DNAH8: variants seen among roughly 807,000 people sequenced by gnomAD.
The protein encoded by DNAH8 is dynein axonemal heavy chain 8, also known as axonemal beta dynein heavy chain 8.
Under a neutral mutation model 562.1 loss-of-function variants are expected in DNAH8, and 382 were observed. That is an observed-to-expected ratio of 0.68 (90% CI 0.63 to 0.74). The LOEUF is 0.74. DNAH8 is among the 30% of genes least tolerant of loss of function. The pLI, the probability that DNAH8 is intolerant of heterozygous loss-of-function variation, is 0.00. For synonymous variants in DNAH8, 1,881 were observed against 1,919.4 expected, an observed-to-expected ratio of 0.98 and a Z score of 0.52; for missense variants, 5,203 against 5,620.4, an observed-to-expected ratio of 0.93 and a Z score of 2.37.
intron 21 of DNAH8, among the ~76,000 whole-genome samples, chr6:38,795,168 G>A (rs1770109963): frequency 6.6e-6 from 1 of 152,084 alleles, no homozygotes; most frequent in Non-Finnish European, 1.5e-5. Flanking sequence ...GTGGCATTAG[G>A]TACATTCCCA....
At chr6:38,913,175 A>G (rs752049371) in intron 66 of DNAH8, among the ~76,000 whole-genome samples, 1 of 152,204 alleles carries the variant, frequency 6.6e-6, no homozygotes, top group Non-Finnish European at 1.5e-5. Flanking sequence ...ATATTACATA[A>G]CAGTGTGGTA....
In DNAH8 at chr6:38,807,673, C is replaced by T. The variant is rs755566659; in HGVS notation, c.3214C>T (p.Arg1072Trp). The T allele has an allele frequency of 2.8e-5, 44 of 1,563,904 alleles. No homozygotes were observed. The highest frequency in any genetic ancestry group is 1.7e-4 in the Middle Eastern group (1 of 5,950). ...QLLDSLQKATRLSLDTMKRRI... is the reference protein window; with the variant it reads ...QLLDSLQKATWLSLDTMKRRI... The stretch of plus-strand genomic sequence containing the variant: ...ACTAGACAGTCTTCAAAAAGCTACA[C>T]GGTTATCTCTGGACACAATGAAAAG... Residue 1072 changes from arginine to tryptophan, a missense_variant, in exon 24 of 93, where the codon CGG becomes TGG. Around this residue, in one of 6 missense-constraint regions of DNAH8, gnomAD observed 2,176 missense variants for 2,365.1 expected, o/e 0.92. Coordinates refer to ENST00000327475, the MANE Select transcript of DNAH8 (RefSeq NM_001206927.2).
intron 89 of DNAH8, among the ~76,000 whole-genome samples, chr6:39,009,342 A>G (rs1048993083): frequency 1.3e-5 from 2 of 152,034 alleles, no homozygotes; most frequent in African/African-American, 4.8e-5. Flanking sequence ...GCCAAAAAGC[A>G]ATGGTGTTGG....
rs1302523856 is a variant in DNAH8, at chr6:39,026,658, A to T, written c.13827A>T (p.Ser4609=). The change falls in exon 92 of 93, where the codon TCA becomes TCT. Residue 4609 remains serine (S), a synonymous_variant. Coordinates refer to ENST00000327475, the MANE Select transcript of DNAH8 (RefSeq NM_001206927.2). ...GACAGACCAAGGAGGAGATCACGTC[A>T]CCCCCTGGGGTAGGCGTTGCTGGGC... ...VLRQTKEEIT[S]PPGEGVYIYG... is the part of the protein sequence containing the mutation. The T allele has an allele frequency of 1.2e-6, 2 of 1,613,262 alleles. No homozygotes were observed. The highest frequency in any genetic ancestry group is 1.7e-6 in the Non-Finnish European group (2 of 1,179,874).
Position 38,862,447 on chromosome 6 carries a change from G to T in DNAH8, c.6299G>T (p.Arg2100Met). The change falls in exon 44 of 93, where the codon AGG becomes ATG. Residue 2100 changes from arginine to methionine, a missense_variant. Transcript: ENST00000327475. Reference protein sequence around the residue: ...SDQMDFRGLGRIFKGLAQSGS... With the variant: ...SDQMDFRGLGMIFKGLAQSGS... Reference sequence around the variant, plus strand: ...CAAATGGATTTCAGAGGCCTAGGAAGGATTTTCAAAGGCAAGTGTCAAATA... The same window carrying T: ...CAAATGGATTTCAGAGGCCTAGGAATGATTTTCAAAGGCAAGTGTCAAATA... 1.2e-6 allele frequency: 2 copies of T among 1,604,630 alleles called. No homozygotes were observed. The highest frequency in any genetic ancestry group is 1.7e-6 in the Non-Finnish European group (2 of 1,176,074).
rs528444761 is a variant in DNAH8, at chr6:38,734,466, G to T, written c.611-8G>T. ...ATTATACGCTAAGTTCTTGACTTTT[G>T]TTTTCAGAATGTGGTCGAACTATTG... On this transcript the variant is annotated splice_polypyrimidine_tract_variant and splice_region_variant and intron_variant, in intron 4 of 92. Coordinates refer to ENST00000327475, the MANE Select transcript of DNAH8 (RefSeq NM_001206927.2). The T allele has an allele frequency of 6.2e-7, 1 of 1,612,830 alleles. No homozygotes were observed. Among genetic ancestry groups the T allele is most frequent in the Non-Finnish European group, 8.5e-7 (1 of 1,179,564 alleles).
chr6:38,833,969 T>A (rs1248674039), intron 31 of DNAH8, among the ~76,000 whole-genome samples: 1 of 152,226 alleles, frequency 6.6e-6, no homozygotes, highest in Non-Finnish European at 1.5e-5. Context: ...TATAAATTCA[T>A]TTATTCCTTT....
chr6:38,876,141 CAG>C (rs1777976465), intron 53 of DNAH8, among the ~76,000 whole-genome samples: 1 of 152,234 alleles, frequency 6.6e-6, no homozygotes, highest in Non-Finnish European at 1.5e-5. Flanking sequence ...GTGGAGAACA[CAG>C]ATTCTTCATG....
chr6:38,752,432 G>A (rs955260547), intron 9 of DNAH8, among the ~76,000 whole-genome samples: 1 of 152,232 alleles, frequency 6.6e-6, no homozygotes. Flanking sequence ...CCAAAGTGCT[G>A]GGATTACAGG....
chr6:38,772,705 T>C (rs1767687861), intron 12 of DNAH8, among the ~76,000 whole-genome samples: 1 of 152,162 alleles, frequency 6.6e-6, no homozygotes, highest in Non-Finnish European at 1.5e-5. Context: ...TTAATTTTAA[T>C]GAAGTTCAAT....
rs534810180 is a variant in DNAH8, at chr6:39,008,424, G to A, written c.13215-390G>A. Among the ~76,000 whole-genome samples, 32 of 152,242 alleles carry A rather than the reference G, an allele frequency of 2.1e-4. No homozygotes were observed. In the South Asian group the frequency reaches 6.6e-3, roughly 32 times the overall value. On this transcript the variant is annotated intron_variant, in intron 88 of 92. Coordinates refer to ENST00000327475, the MANE Select transcript of DNAH8 (RefSeq NM_001206927.2). ...TGAATGTTCCTCTTTGAGCCAACAA[G>A]CTGTCCTATAATGATAGACTCTTAT...
chr6:39,005,738 T>C (rs2150759455), intron 88 of DNAH8, among the ~76,000 whole-genome samples: 1 of 152,374 alleles, frequency 6.6e-6, no homozygotes, highest in Non-Finnish European at 1.5e-5. Context: ...TATTTTATCC[T>C]AGCAATTAGA....
intron 62 of DNAH8, among the ~76,000 whole-genome samples, chr6:38,903,436 C>A (rs1037343074): frequency 6.6e-6 from 1 of 151,914 alleles, no homozygotes. Flanking sequence ...CACTCATTAC[C>A]AAGGGGATAG....
In DNAH8 at chr6:38,929,586, G is replaced by A; in HGVS notation, c.11194G>A (p.Glu3732Lys). ...SLSLGRPLLI[E>K]DIHEELDPAL... ...TTCCTTGGGCCGACCCCTTCTCATT[G>A]AGGACATTCATGAAGAGCTGGATCC... Residue 3732 changes from glutamate to lysine, a missense_variant, in exon 75 of 93, where the codon GAG (glutamate) becomes AAG (lysine). Glu to Lys is a moderately conservative substitution (Grantham distance 56). Coordinates refer to ENST00000327475, the MANE Select transcript of DNAH8 (RefSeq NM_001206927.2). The A allele has an allele frequency of 6.2e-7, 1 of 1,611,456 alleles. No homozygotes were observed. Among genetic ancestry groups the A allele is most frequent in the Non-Finnish European group, 8.5e-7 (1 of 1,179,326 alleles).
Position 38,837,998 on chromosome 6 carries a change from T to C in DNAH8, c.4422T>C (p.Leu1474=), listed in dbSNP as rs1289652474. ...KFVTYSSGEQ[L]FGLPVTDYEV... is the part of the protein sequence containing the mutation. ...TTACGTATTCATCTGGTGAACAACT[T>C]TTTGGATTGCCTGTGACTGATTATG... is the stretch of plus-strand genomic sequence containing the variant. Residue 1474 remains leucine, a synonymous_variant, in exon 33 of 93, where the codon CTT becomes CTC. Coordinates refer to ENST00000327475, the MANE Select transcript of DNAH8 (RefSeq NM_001206927.2). The C allele has an allele frequency of 1.9e-6, 3 of 1,613,422 alleles. No homozygotes were observed. In the East Asian group the frequency reaches 6.7e-5, roughly 36 times the overall value.
intron 82 of DNAH8, among the ~76,000 whole-genome samples, chr6:38,957,140 C>T (rs1477564685): frequency 6.6e-6 from 1 of 152,020 alleles, no homozygotes; most frequent in Non-Finnish European, 1.5e-5. Context: ...AGTAACTATG[C>T]TTATATCAGA....
chr6:38,776,206 T>A (rs189645750), intron 13 of DNAH8, among the ~76,000 whole-genome samples: 3 of 149,164 alleles, frequency 2.0e-5, no homozygotes, highest in Non-Finnish European at 4.4e-5. Flanking sequence ...AGGGCTTTTA[T>A]AGCTAGGATT....
chr6:39,008,730 A>T (rs1765974464), intron 88 of DNAH8, 84 bp from the exon 89 acceptor site: 3 of 607,908 alleles, frequency 4.9e-6, no homozygotes, highest in Admixed American at 3.5e-5. Context: ...GATTTAAGTG[A>T]TTCTATCAGT....
intron 19 of DNAH8, 122 bp downstream of exon 19, chr6:38,790,005 T>A: frequency 1.4e-6 from 1 of 728,550 alleles, no homozygotes; most frequent in Non-Finnish European, 2.2e-6. Context: ...TAGTTCAATT[T>A]TATAGCTCTG....
Sources: allele counts gnomAD v4.1 joint callset (sites outside exome capture counted in the v4.1 genomes callset), GRCh38; gene constraint gnomAD v4.1.1; regional missense constraint gnomAD v4.1.1; transcripts MANE v1.5; gene names NCBI Gene and HGNC (gene_info 2026-07-23, HGNC 2026-07-21).